Variants in CDH12 observed in about 807,000 individuals in gnomAD.
CDH12 encodes the protein cadherin-12.
In CDH12, 41 loss-of-function variants were observed where a neutral mutation model predicts 74.1. The observed-to-expected ratio is 0.55, with a 90% CI of 0.43 to 0.72. The LOEUF (loss-of-function observed/expected upper bound fraction) is 0.72, where lower values mean the gene tolerates loss of function less well. Among genes scored for constraint, CDH12 ranks in the 30% least tolerant of loss-of-function variants. The pLI, the probability that CDH12 is intolerant of heterozygous loss-of-function variation, is 0.00. For missense variants in CDH12, 945 were observed against 977.2 expected (o/e 0.97, Z 0.44); for synonymous variants, 399 against 355.0 (o/e 1.12, Z -1.39).
In CDH12 at chr5:22,462,424, C is replaced by T. The variant is rs148076203; in HGVS notation, c.-428+42846G>A. Among the ~76,000 whole-genome samples, 8 of 152,260 alleles carry T rather than the reference C, an allele frequency of 5.3e-5. No individual in the cohort carries two copies. The East Asian group carries it at 1.5e-3, about 29-fold the overall frequency. ...GCTGTTGGACATGGGCTTCCTGCAA[C>T]AAAGCCTGAGTTAAGAGGAGAGTTT... On this transcript the variant is annotated intron_variant, in intron 2 of 14. Transcript: ENST00000382254.
chr5:21,758,067 C>G (rs1299228258), intron 13 of CDH12, among the ~76,000 whole-genome samples: 1 of 152,140 alleles, frequency 6.6e-6, no homozygotes, highest in African/African-American at 2.4e-5. Context: ...TTAAACCTTT[C>G]AAAGACTACT....
rs1271409824 is a variant in CDH12, at chr5:21,851,488, TTAATA to T, written c.646+3178_646+3182del. On this transcript the variant is annotated intron_variant, in intron 7 of 14. Coordinates refer to ENST00000382254, the MANE Select transcript of CDH12 (RefSeq NM_004061.5). Reference sequence around the variant, plus strand: ...TTATATAATAAAATAATACAATATGTTAATATAAAACATTTTAATGTTTTATAAAT... The same window carrying T: ...TTATATAATAAAATAATACAATATGTTAAAACATTTTAATGTTTTATAAAT... 2.0e-5 allele frequency among the ~76,000 whole-genome samples: 3 copies of T among 150,666 alleles called. No individual in the cohort carries two copies. The Admixed American group carries it at 2.0e-4, about 10-fold the overall frequency.
At chr5:22,090,594 CACAT>C (rs1297710277) in intron 4 of CDH12, among the ~76,000 whole-genome samples, 4 of 139,750 alleles carry the variant, frequency 2.9e-5, no homozygotes, top group Admixed American at 1.4e-4. Context: ...TAAACACACA[CACAT>C]ACATACATAC....
intron 6 of CDH12, chr5:21,889,738 GT>G: frequency 1.0e-6 from 1 of 984,612 alleles, no homozygotes; most frequent in Non-Finnish European, 1.2e-6. Flanking sequence ...ATGGGGTTTT[GT>G]TTGCTTTCTT....
At chr5:22,086,517 T>G (rs1258421836) in intron 4 of CDH12, among the ~76,000 whole-genome samples, 1 of 151,056 alleles carries the variant, frequency 6.6e-6, no homozygotes, top group Non-Finnish European at 1.5e-5. Flanking sequence ...CTAATTTGTT[T>G]TTTGTTTGTT....
At chr5:21,788,143 T>G (rs979674546) in intron 10 of CDH12, among the ~76,000 whole-genome samples, 2 of 152,096 alleles carry the variant, frequency 1.3e-5, no homozygotes, top group African/African-American at 2.4e-5. Context: ...TGGGAAGACA[T>G]GTATAAACAG....
Position 22,704,513 on chromosome 5 carries a change from A to G in CDH12, c.-523+148545T>C, listed in dbSNP as rs545910519. ...TCTAAAAGTCCAGTAAAGTATTCAC[A>G]AGCAAGAAACTGGGAAATAGTAAAC... On this transcript the variant is annotated intron_variant, in intron 1 of 14. Coordinates refer to ENST00000382254, the MANE Select transcript of CDH12 (RefSeq NM_004061.5). Among the ~76,000 whole-genome samples, 12 of 152,270 alleles carry G rather than the reference A, an allele frequency of 7.9e-5. No individual in the cohort carries two copies. In the South Asian group the frequency reaches 1.4e-3, roughly 18 times the overall value.
intron 1 of CDH12, among the ~76,000 whole-genome samples, chr5:22,783,351 A>G (rs565730494): frequency 4.3e-4 from 66 of 152,248 alleles, no homozygotes; most frequent in African/African-American, 1.5e-3. Flanking sequence ...ATGAATGGTA[A>G]TGAGTTCAGC....
At chr5:22,202,999 T>C (rs1751010838) in intron 4 of CDH12, among the ~76,000 whole-genome samples, 1 of 152,210 alleles carries the variant, frequency 6.6e-6, no homozygotes, top group Admixed American at 6.5e-5. Flanking sequence ...TTGTGCATAA[T>C]TATGGGAAAG....
chr5:22,434,595 C>T (rs1301634975), intron 2 of CDH12, among the ~76,000 whole-genome samples: 1 of 152,146 alleles, frequency 6.6e-6, no homozygotes, highest in Admixed American at 6.6e-5. Flanking sequence ...ATCCTAACGT[C>T]TTCCTCTCAT....
At chr5:22,521,900 AT>A (rs1254105441) in intron 1 of CDH12, among the ~76,000 whole-genome samples, 1 of 152,200 alleles carries the variant, frequency 6.6e-6, no homozygotes, top group Non-Finnish European at 1.5e-5. Context: ...TATAAGACTC[AT>A]TTTTATGATG....
intron 1 of CDH12, among the ~76,000 whole-genome samples, chr5:22,613,853 C>A (rs572575305): frequency 2.6e-5 from 4 of 152,054 alleles, no homozygotes; most frequent in South Asian, 4.2e-4. Context: ...AATAGATTCC[C>A]AAATGCTAGA....
intron 5 of CDH12, among the ~76,000 whole-genome samples, chr5:22,048,089 C>T (rs1046781907): frequency 2.6e-5 from 4 of 152,060 alleles, no homozygotes; most frequent in Non-Finnish European, 5.9e-5. Context: ...CATTGTACCC[C>T]TTTTTGCCTG....
chr5:22,258,719 T>G (rs1753407531), intron 3 of CDH12, among the ~76,000 whole-genome samples: 1 of 152,136 alleles, frequency 6.6e-6, no homozygotes, highest in Admixed American at 6.6e-5. Context: ...GTTTAGATAT[T>G]TTTAGATACA....
chr5:22,225,739 G>T (rs562716289), intron 3 of CDH12, among the ~76,000 whole-genome samples: 22 of 152,160 alleles, frequency 1.4e-4, no homozygotes, highest in Non-Finnish European at 2.5e-4. Context: ...TTCACCTTAA[G>T]AATCAGGCCA....
intron 6 of CDH12, among the ~76,000 whole-genome samples, chr5:21,964,218 G>A (rs1756485460): frequency 6.6e-6 from 1 of 151,998 alleles, no homozygotes; most frequent in Admixed American, 6.6e-5. Context: ...ATCCCCACAG[G>A]AGAAAAATGG....
At chr5:22,303,001 T>C (rs1737957546) in intron 3 of CDH12, among the ~76,000 whole-genome samples, 1 of 152,096 alleles carries the variant, frequency 6.6e-6, no homozygotes, top group Admixed American at 6.5e-5. Flanking sequence ...TATACTGCTT[T>C]GGCTAATATC....
chr5:22,107,806 A>T (rs1744569361), intron 4 of CDH12, among the ~76,000 whole-genome samples: 1 of 152,134 alleles, frequency 6.6e-6, no homozygotes, highest in Non-Finnish European at 1.5e-5. Context: ...ATACACACGA[A>T]GATTTTTATC....
intron 6 of CDH12, among the ~76,000 whole-genome samples, chr5:21,963,467 C>T (rs1312715991): frequency 1.3e-5 from 2 of 152,108 alleles, no homozygotes; most frequent in Admixed American, 6.6e-5. Flanking sequence ...AAAAGTGCCC[C>T]TAGTCACATT....
Sources: allele counts gnomAD v4.1 joint callset (sites outside exome capture counted in the v4.1 genomes callset), GRCh38; gene constraint gnomAD v4.1.1; transcripts MANE v1.5; gene names NCBI Gene and HGNC (gene_info 2026-07-23, HGNC 2026-07-21).